GALNT13: variants seen among roughly 807,000 people sequenced by gnomAD.
GALNT13 encodes the protein polypeptide N-acetylgalactosaminyltransferase 13, also known as UDP-GalNAc:polypeptide N-acetylgalactosaminyltransferase 13.
In GALNT13, 28 loss-of-function variants were observed where a neutral mutation model predicts 64.2. The ratio of observed to expected loss-of-function variants is 0.44; its 90% CI spans 0.32 to 0.60. The LOEUF (loss-of-function observed/expected upper bound fraction) is 0.60. Among genes scored for constraint, GALNT13 ranks in the 20% least tolerant of loss-of-function variants. The pLI is 0.05. For synonymous variants in GALNT13, 214 were observed against 224.6 expected (o/e 0.95, Z 0.42); for missense variants, 577 against 669.8 (o/e 0.86, Z 1.53).
At chr2:153,204,891 A>G in the GALNT13 span, among the ~76,000 whole-genome samples, 61 of 151,988 alleles carry the variant, frequency 4.0e-4, no homozygotes, top group Non-Finnish European at 7.2e-4. Flanking sequence ...CAGTAAGGGG[A>G]AAAAAAAGAG....
At chr2:154,340,504 G>GT in intron 9 of GALNT13, among the ~76,000 whole-genome samples, 1 of 151,956 alleles carries the variant, frequency 6.6e-6, no homozygotes, top group Non-Finnish European at 1.5e-5. Context: ...TTAATAAAAT[G>GT]TTTTTTTGAT....
chr2:153,380,579 G>A, the GALNT13 span, among the ~76,000 whole-genome samples: 3 of 152,030 alleles, frequency 2.0e-5, no homozygotes, highest in Admixed American at 6.6e-5. Context: ...TGGTAAGGGG[G>A]TGGGGGGTCC....
At chr2:153,495,692 G>C in the GALNT13 span, among the ~76,000 whole-genome samples, 2 of 152,164 alleles carry the variant, frequency 1.3e-5, no homozygotes, top group Non-Finnish European at 2.9e-5. Context: ...TAAAATTCTA[G>C]AGAATGCAAA....
intron 7 of GALNT13, among the ~76,000 whole-genome samples, chr2:154,250,346 A>G (rs1690003927): frequency 6.6e-6 from 1 of 152,034 alleles, no homozygotes. Flanking sequence ...TGTAAATTTG[A>G]TATATCATCA....
chr2:153,436,170 GATGAAGC>G, the GALNT13 span, among the ~76,000 whole-genome samples: 1 of 152,208 alleles, frequency 6.6e-6, no homozygotes, highest in East Asian at 1.9e-4. Context: ...GCATCCCAGG[GATGAAGC>G]CCACGTGATC....
At chr2:153,087,310 CT>C in the GALNT13 span, among the ~76,000 whole-genome samples, 1 of 152,128 alleles carries the variant, frequency 6.6e-6, no homozygotes, top group African/African-American at 2.4e-5. Flanking sequence ...TAAACCACCC[CT>C]GCATCCCTCG....
chr2:153,192,529 G>C, the GALNT13 span, among the ~76,000 whole-genome samples: 1 of 152,234 alleles, frequency 6.6e-6, no homozygotes, highest in African/African-American at 2.4e-5. Flanking sequence ...CTAAAGTGCA[G>C]TTTAAATCCA....
chr2:154,118,547 T>G (rs1681738667), intron 3 of GALNT13, among the ~76,000 whole-genome samples: 2 of 151,986 alleles, frequency 1.3e-5, no homozygotes, highest in African/African-American at 4.8e-5. Context: ...GACTTACTAC[T>G]GTCACTTTGT....
At chr2:154,010,937 A>G (rs985453371) in intron 3 of GALNT13, among the ~76,000 whole-genome samples, 1 of 151,832 alleles carries the variant, frequency 6.6e-6, no homozygotes, top group Non-Finnish European at 1.5e-5. Flanking sequence ...CTATGGGGTC[A>G]GTGATAATGT....
chr2:153,323,526 G>T, the GALNT13 span, among the ~76,000 whole-genome samples: 1 of 152,138 alleles, frequency 6.6e-6, no homozygotes, highest in South Asian at 2.1e-4. Context: ...GGCTTTTGTT[G>T]TCATTGCTTT....
chr2:154,359,471 C>T (rs1308044194), intron 9 of GALNT13, among the ~76,000 whole-genome samples: 1 of 152,052 alleles, frequency 6.6e-6, no homozygotes, highest in Non-Finnish European at 1.5e-5. Context: ...CTACCATTCA[C>T]CTACTGGAGG....
At chr2:154,414,780 T>C (rs944244530) in intron 11 of GALNT13, among the ~76,000 whole-genome samples, 20 of 152,114 alleles carry the variant, frequency 1.3e-4, no homozygotes, top group African/African-American at 4.6e-4. Flanking sequence ...TTCTGACTTT[T>C]TGTTTACAGT....
the GALNT13 span, among the ~76,000 whole-genome samples, chr2:153,108,040 G>T: frequency 3.9e-5 from 6 of 152,000 alleles, no homozygotes; most frequent in African/African-American, 1.4e-4. Context: ...ACCACACTCG[G>T]CTAATTTTTG....
chr2:153,900,079 G>C (rs924313634), intron 1 of GALNT13, among the ~76,000 whole-genome samples: 1 of 151,462 alleles, frequency 6.6e-6, no homozygotes, highest in Non-Finnish European at 1.5e-5. Flanking sequence ...GGGACTACAG[G>C]CACTCACTAC....
intron 3 of GALNT13, among the ~76,000 whole-genome samples, chr2:154,122,942 G>C (rs1682038918): frequency 6.6e-6 from 1 of 151,786 alleles, no homozygotes; most frequent in South Asian, 2.1e-4. Context: ...CCAGGGGTGG[G>C]GGGTAAATGA....
At chr2:153,555,657 A>G in the GALNT13 span, among the ~76,000 whole-genome samples, 2 of 152,230 alleles carry the variant, frequency 1.3e-5, no homozygotes, top group Non-Finnish European at 2.9e-5. Flanking sequence ...AGACTGAAAC[A>G]TAAAATATTA....
chr2:153,572,978 A>T, the GALNT13 span, among the ~76,000 whole-genome samples: 3 of 152,002 alleles, frequency 2.0e-5, no homozygotes, highest in Non-Finnish European at 4.4e-5. Context: ...GTGCAGATTA[A>T]GTCCAATGTT....
At chr2:153,534,329 A>ATT in the GALNT13 span, among the ~76,000 whole-genome samples, 1 of 152,078 alleles carries the variant, frequency 6.6e-6, no homozygotes, top group Non-Finnish European at 1.5e-5. Context: ...AATATTTTAT[A>ATT]ATCCTATGAT....
At chr2:154,228,296 A>AT (rs1342535611) in intron 4 of GALNT13, among the ~76,000 whole-genome samples, 1 of 152,048 alleles carries the variant, frequency 6.6e-6, no homozygotes, top group Non-Finnish European at 1.5e-5. Context: ...TAATAAGCCC[A>AT]TTTTTACATC....
Sources: gnomAD v4.1 joint callset for allele counts (sites outside exome capture counted in the v4.1 genomes callset) on GRCh38, gnomAD v4.1.1 for gene constraint, MANE v1.5 for transcripts, NCBI Gene and HGNC (gene_info 2026-07-23, HGNC 2026-07-21) for gene names.